The following EHD3 variants were observed in gnomAD, a reference collection of about 807,000 sequenced individuals.
The protein encoded by EHD3 is EH domain containing 3.
EHD3 carries 17 observed loss-of-function variants against 43.0 expected under a neutral mutation model. That is an observed-to-expected ratio of 0.40 (90% CI 0.27 to 0.59). The LOEUF (loss-of-function observed/expected upper bound fraction) is 0.59, where lower values mean the gene tolerates loss of function less well. Among genes scored for constraint, EHD3 ranks in the 20% least tolerant of loss-of-function variants. The pLI, the probability that EHD3 is intolerant of heterozygous loss-of-function variation, is 0.49. For missense variants in EHD3, 594 were observed against 705.6 expected (o/e 0.84, Z 1.79); for synonymous variants, 313 against 289.5 (o/e 1.08, Z -0.82).
At position 31,238,961 on chromosome 2, in the gene EHD3, A is replaced by G. The variant is rs113065065; in HGVS notation, c.227+4113A>G. On this transcript the variant is annotated intron_variant, in intron 1 of 5. Transcript: ENST00000322054. ...GTCTGGAGGGTTGCACGGACCTTCT[A>G]TCGTGTGACTTGGACTCTTGAGGCA... Among the ~76,000 whole-genome samples, 1,018 of 152,148 alleles carry G rather than the reference A, an allele frequency of 6.7e-3. 11 individuals carry two copies. The highest frequency in any genetic ancestry group is 0.021 in the African/African-American group (890 of 41,502).
At chr2:31,244,501 G>C in intron 2 of EHD3, 51 bp downstream of exon 2, 1 of 1,578,506 alleles carries the variant, frequency 6.3e-7, no homozygotes, top group South Asian at 1.2e-5. Context: ...TTCTTCTTGG[G>C]GTATGGGGAG....
At chr2:31,256,299 A>G (rs985477275) in intron 3 of EHD3, among the ~76,000 whole-genome samples, 9 of 152,252 alleles carry the variant, frequency 5.9e-5, no homozygotes, top group Non-Finnish European at 1.3e-4. Context: ...TTTCACCTGC[A>G]TCCTCTGATT....
chr2:31,257,734 T>C (rs2148722148), intron 3 of EHD3, among the ~76,000 whole-genome samples: 1 of 152,276 alleles, frequency 6.6e-6, no homozygotes, highest in Admixed American at 6.5e-5. Context: ...GTCACTTAAC[T>C]CCTAGAGTTT....
chr2:31,240,831 C>T (rs191442270), intron 1 of EHD3, among the ~76,000 whole-genome samples: 1 of 152,262 alleles, frequency 6.6e-6, no homozygotes, highest in Non-Finnish European at 1.5e-5. Flanking sequence ...TCAGCTGTCC[C>T]TGGAGCCTTT....
intron 2 of EHD3, among the ~76,000 whole-genome samples, chr2:31,245,373 A>G (rs1683496650): frequency 6.6e-6 from 1 of 152,024 alleles, no homozygotes; most frequent in African/African-American, 2.4e-5. Flanking sequence ...CCTGGCACAT[A>G]GTAACCAACA....
intron 1 of EHD3, among the ~76,000 whole-genome samples, chr2:31,240,658 G>A (rs1683405382): frequency 6.6e-6 from 1 of 152,202 alleles, no homozygotes; most frequent in Admixed American, 6.5e-5. Flanking sequence ...CACCCTGCTA[G>A]GCTGGGAAGC....
chr2:31,234,899 C>T (rs745702667), intron 1 of EHD3, 51 bp downstream of exon 1: 2 of 1,560,872 alleles, frequency 1.3e-6, no homozygotes, highest in Non-Finnish European at 1.8e-6. Flanking sequence ...AGCGCCTAGT[C>T]CCTCCGGTCA....
rs1683997602 is a variant in EHD3 at position 31,268,568 on chromosome 2, C to A, written c.*1864C>A. The A allele has an allele frequency of 6.6e-6, 1 of 152,214 alleles. No homozygotes were observed. The highest frequency in any genetic ancestry group is 2.4e-5 in the African/African-American group (1 of 41,440). 9.4% of individuals were successfully genotyped at this position (152,214 alleles called of 1,614,324 possible). A position where few individuals can be genotyped will look rare whatever the true frequency, so the allele number is the denominator to read the frequency against. Reference sequence around the variant, plus strand: ...AGTTTGTCTAGGCTCAGTGACCAACCCAGGCACAGCTGGTGGAGCCACCGC... The same window carrying A: ...AGTTTGTCTAGGCTCAGTGACCAACACAGGCACAGCTGGTGGAGCCACCGC... On this transcript the variant is annotated 3_prime_UTR_variant, in exon 6 of 6. Coordinates refer to ENST00000322054, the MANE Select transcript of EHD3 (RefSeq NM_014600.3).
In EHD3 at chr2:31,260,856, G is replaced by C. The variant is rs765564503; in HGVS notation, c.849G>C (p.Gln283His). ...AEEQDLFRDI[Q>H]SLPRNAALRK... ...AACAGGACCTATTCAGGGACATCCA[G>C]AGTCTGCCCCGAAATGCTGCCCTGC... is the stretch of plus-strand genomic sequence containing the variant. The change falls in exon 4 of 6, where the codon CAG (glutamine) becomes CAC (histidine). Residue 283 changes from glutamine (Q) to histidine (H), a missense_variant. This residue lies in a region of EHD3 where 322 missense variants were observed against 348.0 expected (regional missense o/e 0.93). Coordinates refer to ENST00000322054, the MANE Select transcript of EHD3 (RefSeq NM_014600.3). This position sits in a 1 kb window ranked among gnomAD's most constrained non-coding sequence, Gnocchi z 4.6. The C allele has an allele frequency of 6.2e-7, 1 of 1,614,174 alleles. No homozygotes were observed. Among genetic ancestry groups the C allele is most frequent in the Admixed American group, 1.7e-5 (1 of 60,028 alleles).
In EHD3 at chr2:31,266,788, A is replaced by ACACACG; in HGVS notation, c.*89_*90insGCACAC. ...CACACACACACACACACACACACAC[A>ACACACG]CACACAAACATGCACACACACATAT... On this transcript the variant is annotated 3_prime_UTR_variant, in exon 6 of 6. Coordinates refer to ENST00000322054, the MANE Select transcript of EHD3 (RefSeq NM_014600.3). This position sits in a 1 kb window ranked among gnomAD's most constrained non-coding sequence, Gnocchi z 5.1. 4 of 1,400,178 alleles carry ACACACG rather than the reference A, an allele frequency of 2.9e-6. No individual in the cohort carries two copies. The highest frequency in any genetic ancestry group is 1.3e-5 in the South Asian group (1 of 74,404). The allele number at this position is 1,400,178 out of a possible 1,614,324, so 86.7% of individuals were successfully genotyped here. A position where few individuals can be genotyped will look rare whatever the true frequency, so the allele number is the denominator to read the frequency against.
At position 31,249,631 on chromosome 2, in the gene EHD3, C is replaced by T. The variant is rs550604578; in HGVS notation, c.502+163C>T. Among the ~76,000 whole-genome samples the T allele has an allele frequency of 7.9e-5, 12 of 152,178 alleles. No homozygotes were observed. The South Asian group carries it at 2.1e-3, about 26-fold the overall frequency. On this transcript the variant is annotated intron_variant, in intron 3 of 5. Transcript: ENST00000322054. ...CATTTTACCTGGGGCAGTCCTAGGCCGGGGTTGGCAGGGGTCGGGAGAGGG... is the reference window on the plus strand; with the variant it reads ...CATTTTACCTGGGGCAGTCCTAGGCTGGGGTTGGCAGGGGTCGGGAGAGGG...
intron 2 of EHD3, among the ~76,000 whole-genome samples, chr2:31,245,455 A>G (rs1316704941): frequency 1.3e-5 from 2 of 150,874 alleles, no homozygotes; most frequent in East Asian, 3.9e-4. Flanking sequence ...TGGAATAGGC[A>G]TCTGCTGTGG....
intron 1 of EHD3, among the ~76,000 whole-genome samples, chr2:31,242,042 C>T (rs1683433434): frequency 3.3e-5 from 5 of 152,224 alleles, no homozygotes; most frequent in Admixed American, 3.3e-4. Flanking sequence ...AGGGCTCCAA[C>T]TCTCAGCAGA....
At chr2:31,250,747 A>C (rs1572467008) in intron 3 of EHD3, among the ~76,000 whole-genome samples, 1 of 151,938 alleles carries the variant, frequency 6.6e-6, no homozygotes, top group Admixed American at 6.6e-5. Flanking sequence ...CGCCATGCCC[A>C]CCCCAATATT....
chr2:31,254,485 C>T (rs1010750216), intron 3 of EHD3, among the ~76,000 whole-genome samples: 8 of 152,246 alleles, frequency 5.3e-5, no homozygotes, highest in East Asian at 1.9e-4. Context: ...ACCATCTGCT[C>T]GGGCCGCTCT....
Position 31,244,400 on chromosome 2 carries a change from C to T in EHD3, c.354C>T (p.Pro118=). The T allele has an allele frequency of 1.2e-6, 2 of 1,614,180 alleles. No homozygotes were observed. Among genetic ancestry groups the T allele is most frequent in the Non-Finnish European group, 8.5e-7 (1 of 1,180,030 alleles). Residue 118 remains proline, a synonymous_variant, in exon 2 of 6, where the codon CCC becomes CCT. Coordinates refer to ENST00000322054, the MANE Select transcript of EHD3 (RefSeq NM_014600.3). The part of the protein sequence containing the change: ...IIPGNALVVD[P]KKPFRKLNAF... ...CTGGGAACGCCCTGGTGGTGGATCC[C>T]AAGAAACCCTTCAGGAAACTCAACG...
chr2:31,234,526 G>A lies in EHD3; in HGVS notation c.-96G>A. On this transcript the variant is annotated 5_prime_UTR_variant, in exon 1 of 6. Transcript: ENST00000322054. ...CCCCGCGCTTGGGTGAGGCGGCGGCGCGGCTCGGAGCCCGGCGGACCGGTC... is the reference window on the plus strand; with the variant it reads ...CCCCGCGCTTGGGTGAGGCGGCGGCACGGCTCGGAGCCCGGCGGACCGGTC... The A allele has an allele frequency of 2.8e-6, 4 of 1,421,954 alleles. No individual in the cohort carries two copies. The highest frequency in any genetic ancestry group is 3.8e-6 in the Non-Finnish European group (4 of 1,044,248). The allele number at this position is 1,421,954 out of a possible 1,614,324, so 88.1% of individuals were successfully genotyped here. A position where few individuals can be genotyped will look rare whatever the true frequency, so the allele number is the denominator to read the frequency against.
chr2:31,245,536 T>C (rs1413493763), intron 2 of EHD3, among the ~76,000 whole-genome samples: 3 of 48,768 alleles, frequency 6.2e-5, no homozygotes, highest in Non-Finnish European at 3.5e-5. Flanking sequence ...CAAATATATA[T>C]ATATATATAT....
At chr2:31,252,904 TAA>T (rs993551599) in intron 3 of EHD3, among the ~76,000 whole-genome samples, 1 of 152,126 alleles carries the variant, frequency 6.6e-6, no homozygotes, top group Non-Finnish European at 1.5e-5. Context: ...CAGCCTGCGT[TAA>T]AAACAAGAGC....
Sources: gnomAD v4.1 joint callset for allele counts (sites outside exome capture counted in the v4.1 genomes callset) on GRCh38, gnomAD v4.1.1 for gene constraint, gnomAD v4.1.1 regional missense constraint, Gnocchi (gnomAD v3.1) non-coding constraint, MANE v1.5 for transcripts, NCBI Gene and HGNC (gene_info 2026-07-23, HGNC 2026-07-21) for gene names.